ZNF385B: variants seen among roughly 807,000 people sequenced by gnomAD.
ZNF385B encodes the protein zinc finger protein 385B.
Under a neutral mutation model 39.2 loss-of-function variants are expected in ZNF385B, and 23 were observed. The ratio of observed to expected loss-of-function variants is 0.59; its 90% CI spans 0.42 to 0.83. The LOEUF is 0.83. Ranked by LOEUF, ZNF385B falls within the 40% of genes least tolerant of loss-of-function variation. ZNF385B has a pLI of 0.00. For missense variants in ZNF385B, 552 were observed against 598.9 expected (o/e 0.92, Z 0.82); for synonymous variants, 205 against 222.6 (o/e 0.92, Z 0.70).
intron 1 of ZNF385B, among the ~76,000 whole-genome samples, chr2:179,829,827 T>C (rs1284654721): frequency 6.6e-6 from 1 of 152,184 alleles, no homozygotes; most frequent in Non-Finnish European, 1.5e-5. Flanking sequence ...TATGACTTTT[T>C]AGATGCAACA....
In ZNF385B at chr2:179,536,880, T is replaced by G. The variant is rs1284557366; in HGVS notation, c.441+7947A>C. ...AAATACATACCATATAAATAACATC[T>G]GCATACTCTAAAGGTGTTTCAAGAG... On this transcript the variant is annotated intron_variant, in intron 4 of 9. Coordinates refer to ENST00000410066, the MANE Select transcript of ZNF385B (RefSeq NM_152520.6). 2.0e-5 allele frequency among the ~76,000 whole-genome samples: 3 copies of G among 152,292 alleles called. No individual in the cohort carries two copies. In the East Asian group the frequency reaches 5.8e-4, roughly 29 times the overall value.
chr2:179,714,960 A>AAAC (rs1291121177), intron 3 of ZNF385B, among the ~76,000 whole-genome samples: 1 of 151,064 alleles, frequency 6.6e-6, no homozygotes, highest in Non-Finnish European at 1.5e-5. Flanking sequence ...AAAAAAAAAA[A>AAAC]ACAGTTTCCT....
At chr2:179,546,984 T>C (rs1014099809) in intron 3 of ZNF385B, among the ~76,000 whole-genome samples, 1 of 149,974 alleles carries the variant, frequency 6.7e-6, no homozygotes, top group Non-Finnish European at 1.5e-5. Context: ...TCAATAATGA[T>C]TGAACACATT....
At chr2:179,529,152 G>T (rs2059110526) in intron 4 of ZNF385B, among the ~76,000 whole-genome samples, 1 of 152,128 alleles carries the variant, frequency 6.6e-6, no homozygotes, top group East Asian at 1.9e-4. Flanking sequence ...TCATATTCAG[G>T]TTTTAAATGC....
At chr2:179,810,713 A>C (rs1489462435) in intron 1 of ZNF385B, among the ~76,000 whole-genome samples, 1 of 152,044 alleles carries the variant, frequency 6.6e-6, no homozygotes, top group African/African-American at 2.4e-5. Flanking sequence ...TCTTTCAACT[A>C]CTGGTGTAAA....
chr2:179,470,600 C>T (rs1166994481), intron 6 of ZNF385B, among the ~76,000 whole-genome samples: 2 of 152,106 alleles, frequency 1.3e-5, no homozygotes, highest in Non-Finnish European at 2.9e-5. Context: ...GCCTTCTAGC[C>T]TCTCTCTCTG....
At chr2:179,672,256 C>T (rs1364015925) in intron 3 of ZNF385B, among the ~76,000 whole-genome samples, 1 of 152,168 alleles carries the variant, frequency 6.6e-6, no homozygotes, top group Non-Finnish European at 1.5e-5. Context: ...GAATGTTTGT[C>T]CAGTGCCTAC....
At chr2:179,683,666 G>A (rs990038343) in intron 3 of ZNF385B, among the ~76,000 whole-genome samples, 10 of 151,882 alleles carry the variant, frequency 6.6e-5, no homozygotes, top group African/African-American at 2.2e-4. Flanking sequence ...AGTACAGATG[G>A]GGTTTTACCA....
At chr2:179,853,805 C>A (rs1183765586) in intron 1 of ZNF385B, among the ~76,000 whole-genome samples, 1 of 152,154 alleles carries the variant, frequency 6.6e-6, no homozygotes, top group African/African-American at 2.4e-5. Flanking sequence ...CATTATATCT[C>A]TCAGACTTGG....
intron 1 of ZNF385B, among the ~76,000 whole-genome samples, chr2:179,795,472 G>A (rs1446416490): frequency 6.6e-6 from 1 of 152,130 alleles, no homozygotes; most frequent in African/African-American, 2.4e-5. Context: ...ATCTATGGGT[G>A]CACTGTGGTG....
chr2:179,495,631 C>T (rs2056123285), intron 5 of ZNF385B, among the ~76,000 whole-genome samples: 1 of 152,138 alleles, frequency 6.6e-6, no homozygotes, highest in Non-Finnish European at 1.5e-5. Context: ...TGTCATGCTA[C>T]CCCCAGCTTT....
intron 4 of ZNF385B, among the ~76,000 whole-genome samples, chr2:179,542,750 G>A (rs879588557): frequency 2.0e-5 from 3 of 151,920 alleles, no homozygotes; most frequent in Non-Finnish European, 2.9e-5. Context: ...TCATATGATC[G>A]CAATTGTAAA....
At chr2:179,513,408 G>T (rs571258900) in intron 5 of ZNF385B, among the ~76,000 whole-genome samples, 1 of 152,232 alleles carries the variant, frequency 6.6e-6, no homozygotes, top group East Asian at 1.9e-4. Flanking sequence ...ATTATCAAAG[G>T]AACTTTGGAG....
intron 3 of ZNF385B, among the ~76,000 whole-genome samples, chr2:179,587,371 T>G (rs1401272024): frequency 2.0e-5 from 3 of 152,224 alleles, no homozygotes; most frequent in Admixed American, 1.3e-4. Flanking sequence ...CCCAGAATTA[T>G]GTGACTAAGT....
chr2:179,678,157 G>A (rs984000047), intron 3 of ZNF385B, among the ~76,000 whole-genome samples: 3 of 152,100 alleles, frequency 2.0e-5, no homozygotes, highest in Non-Finnish European at 4.4e-5. Flanking sequence ...TTATTTTCTT[G>A]TGTTGGATAT....
chr2:179,461,506 A>G (rs951728524), intron 6 of ZNF385B, among the ~76,000 whole-genome samples: 7 of 152,236 alleles, frequency 4.6e-5, no homozygotes, highest in African/African-American at 1.2e-4. Context: ...CCATGGTTTT[A>G]GCATGAGCAC....
chr2:179,829,574 T>C (rs1001057037), intron 1 of ZNF385B, among the ~76,000 whole-genome samples: 6 of 152,076 alleles, frequency 3.9e-5, no homozygotes, highest in Admixed American at 6.5e-5. Flanking sequence ...AGTGCAGTGG[T>C]GCTATCTCGG....
At chr2:179,581,787 C>G (rs1314317552) in intron 3 of ZNF385B, among the ~76,000 whole-genome samples, 1 of 152,184 alleles carries the variant, frequency 6.6e-6, no homozygotes, top group East Asian at 1.9e-4. Context: ...TGATAACTTC[C>G]AGGTCATGCC....
At chr2:179,721,899 T>C (rs946578244) in intron 3 of ZNF385B, among the ~76,000 whole-genome samples, 2 of 151,976 alleles carry the variant, frequency 1.3e-5, no homozygotes, top group Non-Finnish European at 2.9e-5. Context: ...ATACAAGGTC[T>C]AAGAAATAGA....
Sources: allele counts gnomAD v4.1 joint callset (sites outside exome capture counted in the v4.1 genomes callset), GRCh38; gene constraint gnomAD v4.1.1; transcripts MANE v1.5; gene names NCBI Gene and HGNC (gene_info 2026-07-23, HGNC 2026-07-21).